SLC6A11: variants seen among roughly 807,000 people sequenced by gnomAD.
SLC6A11 encodes the protein solute carrier family 6 member 11, also known as sodium- and chloride-dependent GABA transporter 3.
In SLC6A11, 25 loss-of-function variants were observed where a neutral mutation model predicts 74.8. The ratio of observed to expected loss-of-function variants is 0.33; its 90% CI spans 0.24 to 0.47. SLC6A11 has a LOEUF of 0.47. SLC6A11 is among the 20% of genes least tolerant of loss of function. The pLI is 1.00. For synonymous variants in SLC6A11, 330 were observed against 330.2 expected, an observed-to-expected ratio of 1.00 and a Z score of 0.01; for missense variants, 574 against 837.0, an observed-to-expected ratio of 0.69 and a Z score of 3.88.
intron 6 of SLC6A11, among the ~76,000 whole-genome samples, chr3:10,898,272 T>C (rs1695194845): frequency 6.6e-6 from 1 of 152,244 alleles, no homozygotes; most frequent in African/African-American, 2.4e-5. Context: ...TGGTTACTTA[T>C]GCAAATTTCT....
chr3:10,937,992 C>T (rs1333937798), intron 13 of SLC6A11, among the ~76,000 whole-genome samples: 1 of 152,224 alleles, frequency 6.6e-6, no homozygotes, highest in Non-Finnish European at 1.5e-5. Flanking sequence ...AAGCACTTTC[C>T]ATAGCCTCTC....
chr3:10,877,036 T>C (rs1694917167), intron 6 of SLC6A11, among the ~76,000 whole-genome samples: 2 of 152,148 alleles, frequency 1.3e-5, no homozygotes, highest in Non-Finnish European at 1.5e-5. Context: ...TCAAAGTGGA[T>C]TTGGAGAGCC....
At chr3:10,893,588 A>C (rs1204766879) in intron 6 of SLC6A11, among the ~76,000 whole-genome samples, 1 of 152,194 alleles carries the variant, frequency 6.6e-6, no homozygotes, top group Non-Finnish European at 1.5e-5. Context: ...CCACTGATGC[A>C]AGCATGAGTT....
At chr3:10,854,230 A>G in intron 5 of SLC6A11, among the ~76,000 whole-genome samples, 1 of 152,042 alleles carries the variant, frequency 6.6e-6, no homozygotes, top group South Asian at 2.1e-4. Context: ...TCTACTAAAA[A>G]TACAAAAAAT....
intron 12 of SLC6A11, 28 bp from the exon 13 acceptor site, chr3:10,935,001 C>T (rs763630374): frequency 1.9e-5 from 30 of 1,603,218 alleles, no homozygotes; most frequent in Non-Finnish European, 2.6e-5. Flanking sequence ...GGCCCATCCC[C>T]CAGGCACCTG....
intron 5 of SLC6A11, among the ~76,000 whole-genome samples, chr3:10,855,883 C>T (rs1452251424): frequency 6.6e-6 from 1 of 152,212 alleles, no homozygotes; most frequent in Non-Finnish European, 1.5e-5. Context: ...TCCCTCTTTC[C>T]TCTCTTCGGT....
chr3:10,914,528 A>T (rs114487193), intron 7 of SLC6A11, among the ~76,000 whole-genome samples: 131 of 152,254 alleles, frequency 8.6e-4, no homozygotes, highest in Non-Finnish European at 1.1e-3. Context: ...TGTAGAATCC[A>T]GTGTGCCATC....
chr3:10,827,282 C>T (rs949720876), intron 4 of SLC6A11, among the ~76,000 whole-genome samples: 2 of 152,148 alleles, frequency 1.3e-5, no homozygotes, highest in African/African-American at 4.8e-5. Context: ...GAATCCCTTC[C>T]CTCTCTCTGC....
chr3:10,914,810 G>A (rs1695434234), intron 7 of SLC6A11, among the ~76,000 whole-genome samples: 1 of 152,170 alleles, frequency 6.6e-6, no homozygotes, highest in African/African-American at 2.4e-5. Flanking sequence ...CCCCTTGGGA[G>A]TTCTTTCAAA....
At chr3:10,837,914 C>T (rs2106581605) in intron 4 of SLC6A11, among the ~76,000 whole-genome samples, 1 of 152,376 alleles carries the variant, frequency 6.6e-6, no homozygotes, top group African/African-American at 2.4e-5. Flanking sequence ...CAGCGGCCAG[C>T]TCCCTTGGCG....
rs1553671319 is a variant in SLC6A11, at chr3:10,873,991, C to CGCTACGCTACGCTACGCTAT, written c.757-966_757-965insCGCTACGCTACGCTATGCTA. On this transcript the variant is annotated intron_variant, in intron 5 of 13. Transcript: ENST00000254488. ...TGCTATGCTACGCTACGCTACGCTA[C>CGCTACGCTACGCTACGCTAT]GCTATGCTATGCTATGCTATGCTAT... is the stretch of plus-strand genomic sequence containing the variant. Among the ~76,000 whole-genome samples the CGCTACGCTACGCTACGCTAT allele has an allele frequency of 1.2e-3, 163 of 136,468 alleles. 2 individuals carry two copies. In the East Asian group the frequency reaches 0.029, roughly 24 times the overall value. 89.5% of individuals were successfully genotyped at this position (136,468 alleles called of 152,430 possible).
At position 10,938,447 on chromosome 3, in the gene SLC6A11, T is replaced by G. The variant is rs778515556; in HGVS notation, c.*45T>G. The G allele has an allele frequency of 2.0e-6, 3 of 1,536,004 alleles. No homozygotes were observed. The highest frequency in any genetic ancestry group is 2.6e-6 in the Non-Finnish European group (3 of 1,132,546). Reference sequence around the variant, plus strand: ...GGCTCTTCTTCCTTTCTTCCCCCCGTGTATGTAAATGAATTCCTGAACCCC... The same window carrying G: ...GGCTCTTCTTCCTTTCTTCCCCCCGGGTATGTAAATGAATTCCTGAACCCC... On this transcript the variant is annotated 3_prime_UTR_variant, in exon 14 of 14. Coordinates refer to ENST00000254488, the MANE Select transcript of SLC6A11 (RefSeq NM_014229.3).
chr3:10,836,534 A>G (rs1400646827), intron 4 of SLC6A11, among the ~76,000 whole-genome samples: 3 of 152,216 alleles, frequency 2.0e-5, no homozygotes, highest in African/African-American at 7.2e-5. Context: ...CTTTTTGATT[A>G]TAGCTATCCT....
rs533920665 is a variant in SLC6A11, at chr3:10,903,937, T to G, written c.892-8153T>G. Reference sequence around the variant, plus strand: ...GAAGTAAAGCTTTCTCCCCCAAACATCTAAGAAATTAGACATTCTACTTGC... The same window carrying G: ...GAAGTAAAGCTTTCTCCCCCAAACAGCTAAGAAATTAGACATTCTACTTGC... On this transcript the variant is annotated intron_variant, in intron 6 of 13. Transcript: ENST00000254488. Among the ~76,000 whole-genome samples, 5 of 152,326 alleles carry G rather than the reference T, an allele frequency of 3.3e-5. No homozygotes were observed. In the South Asian group the frequency reaches 1.0e-3, roughly 32 times the overall value.
intron 6 of SLC6A11, among the ~76,000 whole-genome samples, chr3:10,890,238 G>A (rs1194278661): frequency 6.6e-6 from 1 of 152,192 alleles, no homozygotes; most frequent in Non-Finnish European, 1.5e-5. Context: ...AGCTTCAATT[G>A]TGCCAGGTAC....
intron 4 of SLC6A11, among the ~76,000 whole-genome samples, chr3:10,839,940 C>T (rs973185297): frequency 6.6e-6 from 1 of 152,180 alleles, no homozygotes; most frequent in African/African-American, 2.4e-5. Context: ...TCTTGTGCCT[C>T]TGCTGCTCTC....
At position 10,940,677 on chromosome 3, in the gene SLC6A11, G is replaced by C. The variant is rs1695813975; in HGVS notation, c.*2275G>C. 6.6e-6 allele frequency: 1 copy of C among 152,182 alleles called. No individual in the cohort carries two copies. The highest frequency in any genetic ancestry group is 1.5e-5 in the Non-Finnish European group (1 of 68,024). The allele number at this position is 152,182 out of a possible 1,614,324, so 9.4% of individuals were successfully genotyped here. ...GCATTCAAAGGGTGCAAGATTGTCT[G>C]CTTACTCATTTTTAAAAATTAAAGA... On this transcript the variant is annotated 3_prime_UTR_variant, in exon 14 of 14. Coordinates refer to ENST00000254488, the MANE Select transcript of SLC6A11 (RefSeq NM_014229.3).
At chr3:10,891,785 G>A (rs1250484059) in intron 6 of SLC6A11, among the ~76,000 whole-genome samples, 1 of 152,186 alleles carries the variant, frequency 6.6e-6, no homozygotes, top group Non-Finnish European at 1.5e-5. Flanking sequence ...GCTCATCTAT[G>A]AAATGAAGAG....
chr3:10,841,795 G>T (rs886090642), intron 4 of SLC6A11, among the ~76,000 whole-genome samples: 18 of 152,180 alleles, frequency 1.2e-4, no homozygotes, highest in African/African-American at 4.1e-4. Flanking sequence ...CAACAAGAAG[G>T]CACATGTCTG....
Sources: allele counts gnomAD v4.1 joint callset (sites outside exome capture counted in the v4.1 genomes callset), GRCh38; gene constraint gnomAD v4.1.1; transcripts MANE v1.5; gene names NCBI Gene and HGNC (gene_info 2026-07-23, HGNC 2026-07-21).